The following WWOX variants were observed in gnomAD, a reference collection of about 807,000 sequenced individuals.
WWOX encodes the protein WW domain-containing oxidoreductase.
A neutral mutation model predicts 46.2 loss-of-function variants in WWOX; 69 were observed. The ratio of observed to expected loss-of-function variants is 1.49; its 90% CI spans 1.23 to 1.82. WWOX has a LOEUF of 1.82. Ranked by LOEUF, WWOX falls within the 40% of genes most tolerant of loss-of-function variation. The pLI, the probability that WWOX is intolerant of heterozygous loss-of-function variation, is 0.00. For missense variants in WWOX, 919 were observed against 542.6 expected (o/e 1.69, Z -6.89); for synonymous variants, 359 against 202.6 (o/e 1.77, Z -6.56).
intron 8 of WWOX, among the ~76,000 whole-genome samples, chr16:79,159,674 G>A (rs2050447387): frequency 6.6e-6 from 1 of 152,174 alleles, no homozygotes; most frequent in Non-Finnish European, 1.5e-5. Flanking sequence ...TATTTAACAA[G>A]CCACTGAGCA....
chr16:78,722,277 C>G (rs1355881487), intron 8 of WWOX, among the ~76,000 whole-genome samples: 2 of 152,160 alleles, frequency 1.3e-5, no homozygotes, highest in Admixed American at 1.3e-4. Flanking sequence ...AGCTCTGGCG[C>G]TTACCAGTTT....
intron 8 of WWOX, among the ~76,000 whole-genome samples, chr16:78,846,389 T>C (rs1055977317): frequency 1.3e-5 from 2 of 152,148 alleles, no homozygotes; most frequent in African/African-American, 2.4e-5. Flanking sequence ...TATTATCATA[T>C]CTCTCCAGTC....
chr16:78,671,442 A>G (rs1225919560), intron 8 of WWOX, among the ~76,000 whole-genome samples: 2 of 152,200 alleles, frequency 1.3e-5, no homozygotes, highest in Admixed American at 6.5e-5. Flanking sequence ...AAAAAATAAA[A>G]CATAAATAAA....
Position 78,837,872 on chromosome 16 carries a change from T to C in WWOX, c.1057-373736T>C, listed in dbSNP as rs1307991433. Among the ~76,000 whole-genome samples the C allele has an allele frequency of 2.0e-5, 3 of 152,158 alleles. No homozygotes were observed. In the East Asian group the frequency reaches 5.8e-4, roughly 29 times the overall value. Reference sequence around the variant, plus strand: ...GTAGAAATATCAATAAATATAAAGGTAAGTATTATTGTCCCCATTTTACAG... The same window carrying C: ...GTAGAAATATCAATAAATATAAAGGCAAGTATTATTGTCCCCATTTTACAG... On this transcript the variant is annotated intron_variant, in intron 8 of 8. Transcript: ENST00000566780.
At chr16:78,465,377 G>C (rs79967998) in intron 8 of WWOX, among the ~76,000 whole-genome samples, 2,147 of 152,292 alleles carry the variant, frequency 0.014, 57 homozygotes, top group African/African-American at 0.049. Flanking sequence ...ATGGGGTCTT[G>C]TTGTGTTGCC....
intron 8 of WWOX, among the ~76,000 whole-genome samples, chr16:78,653,841 C>A (rs1034776970): frequency 1.3e-5 from 2 of 152,178 alleles, no homozygotes; most frequent in East Asian, 1.9e-4. Flanking sequence ...ACTTTTAGCA[C>A]CAACTTAATA....
chr16:78,311,524 C>T (rs957240573), intron 5 of WWOX, among the ~76,000 whole-genome samples: 1 of 152,116 alleles, frequency 6.6e-6, no homozygotes, highest in Admixed American at 6.5e-5. Flanking sequence ...TGGGGAGATG[C>T]GTGTTAACTG....
At chr16:78,930,013 G>A (rs1158252116) in intron 8 of WWOX, among the ~76,000 whole-genome samples, 1 of 152,122 alleles carries the variant, frequency 6.6e-6, no homozygotes, top group African/African-American at 2.4e-5. Flanking sequence ...TCTAGCGAAT[G>A]GGGTGGCAGG....
At chr16:79,017,112 C>G (rs536638068) in intron 8 of WWOX, 19 of 152,198 alleles carry the variant, frequency 1.2e-4, no homozygotes, top group African/African-American at 4.6e-4. Flanking sequence ...ATCTATCCAT[C>G]CATCTCTTGC....
chr16:78,228,341 T>C (rs796437512), intron 5 of WWOX, among the ~76,000 whole-genome samples: 79 of 7,886 alleles, frequency 0.01, no homozygotes, highest in Middle Eastern at 0.05. Context: ...TATTCTCTCT[T>C]TTTTTTTTTT....
chr16:78,853,022 T>C (rs2052485213), intron 8 of WWOX, among the ~76,000 whole-genome samples: 2 of 152,176 alleles, frequency 1.3e-5, no homozygotes, highest in African/African-American at 2.4e-5. Flanking sequence ...TACAGATAAT[T>C]AGTAATGTCT....
chr16:78,122,674 A>C (rs2033155915), intron 4 of WWOX, among the ~76,000 whole-genome samples: 1 of 150,112 alleles, frequency 6.7e-6, no homozygotes, highest in Non-Finnish European at 1.5e-5. Context: ...GCGTGATCTC[A>C]GCTCACTGCA....
chr16:78,963,311 TA>T (rs36121729), intron 8 of WWOX, among the ~76,000 whole-genome samples: 1 of 151,596 alleles, frequency 6.6e-6, no homozygotes, highest in African/African-American at 2.4e-5. Context: ...TCTTCAAAAA[TA>T]AAAAAAATTA....
chr16:78,952,606 A>G (rs955604650), intron 8 of WWOX, among the ~76,000 whole-genome samples: 1 of 150,228 alleles, frequency 6.7e-6, no homozygotes, highest in Admixed American at 6.6e-5. Context: ...CTGGTCTTGA[A>G]CTCTTGGCCT....
chr16:78,529,963 A>T (rs1249784323), intron 8 of WWOX, among the ~76,000 whole-genome samples: 1 of 152,088 alleles, frequency 6.6e-6, no homozygotes, highest in Admixed American at 6.5e-5. Context: ...AATTTCCCTG[A>T]CCCCTTTGCA....
At chr16:79,024,901 G>A (rs1030338235) in intron 8 of WWOX, among the ~76,000 whole-genome samples, 1 of 152,216 alleles carries the variant, frequency 6.6e-6, no homozygotes, top group Non-Finnish European at 1.5e-5. Flanking sequence ...AGGAATGGGA[G>A]TCAGGCTGGT....
intron 8 of WWOX, among the ~76,000 whole-genome samples, chr16:79,059,386 TG>T (rs1269988165): frequency 6.6e-6 from 1 of 152,250 alleles, no homozygotes; most frequent in East Asian, 1.9e-4. Context: ...CTCACCAATA[TG>T]GGTGTGATCT....
At chr16:78,902,454 T>C (rs1567637417) in intron 8 of WWOX, among the ~76,000 whole-genome samples, 2 of 152,220 alleles carry the variant, frequency 1.3e-5, no homozygotes, top group South Asian at 4.1e-4. Context: ...GAGGCAAGGC[T>C]AAGAGGTGGA....
At chr16:79,039,488 A>G (rs781699726) in intron 8 of WWOX, among the ~76,000 whole-genome samples, 2 of 152,246 alleles carry the variant, frequency 1.3e-5, no homozygotes, top group East Asian at 1.9e-4. Flanking sequence ...GCATTTGCCC[A>G]TCGTAAAGGC....
Sources: allele counts gnomAD v4.1 joint callset (sites outside exome capture counted in the v4.1 genomes callset), GRCh38; gene constraint gnomAD v4.1.1; transcripts MANE v1.5; gene names NCBI Gene and HGNC (gene_info 2026-07-23, HGNC 2026-07-21).